The following SLC35E4 variants were observed in gnomAD, a reference collection of about 807,000 sequenced individuals.
The protein encoded by SLC35E4 is solute carrier family 35, member E4.
A neutral mutation model predicts 19.3 loss-of-function variants in SLC35E4; 15 were observed. That is an observed-to-expected ratio of 0.78 (90% confidence interval 0.52 to 1.20). The LOEUF (loss-of-function observed/expected upper bound fraction) is 1.20. Ranked by LOEUF, SLC35E4 falls within the 50% of genes most tolerant of loss-of-function variation. SLC35E4 has a pLI of 0.00. For synonymous variants in SLC35E4, 219 were observed against 219.9 expected (o/e 1.00, Z 0.04); for missense variants, 406 against 472.3 (o/e 0.86, Z 1.30).
intron 1 of SLC35E4, among the ~76,000 whole-genome samples, chr22:30,644,819 C>A (rs1249112001): frequency 6.6e-6 from 1 of 152,112 alleles, no homozygotes; most frequent in Non-Finnish European, 1.5e-5. Flanking sequence ...TTCGCCTGGG[C>A]ACCCCTTTGT....
intron 2 of SLC35E4, among the ~76,000 whole-genome samples, chr22:30,660,897 T>C (rs2088445670): frequency 6.6e-6 from 1 of 151,200 alleles, no homozygotes; most frequent in Admixed American, 6.6e-5. Flanking sequence ...TGGAGTGCAA[T>C]GTCCTGATCT....
downstream of SLC35E4, chr22:30,649,378 ATG>A (rs752637510): frequency 9.7e-5 from 60 of 618,234 alleles, no homozygotes; most frequent in Non-Finnish European, 1.5e-4. Context: ...GCTGTGGTCT[ATG>A]GAGACTGAGA....
intron 1 of SLC35E4, among the ~76,000 whole-genome samples, chr22:30,640,264 G>T (rs935447813): frequency 6.6e-6 from 1 of 151,724 alleles, no homozygotes; most frequent in Non-Finnish European, 1.5e-5. Flanking sequence ...CCCCCTACTC[G>T]GGAACCTGAG....
At chr22:30,661,967 G>A (rs1353649002) in intron 2 of SLC35E4, 1 of 151,822 alleles carries the variant, frequency 6.6e-6, no homozygotes, top group Non-Finnish European at 1.5e-5. Context: ...AAACAAGACG[G>A]AAGCTCTCAA....
intron 1 of SLC35E4, among the ~76,000 whole-genome samples, chr22:30,640,000 T>C (rs914438801): frequency 4.6e-5 from 7 of 152,126 alleles, no homozygotes; most frequent in Non-Finnish European, 8.8e-5. Context: ...TGTTCAGAGA[T>C]TGCAGTAAAG....
chr22:30,657,158 G>C (rs2088354148), intron 2 of SLC35E4, among the ~76,000 whole-genome samples: 1 of 152,000 alleles, frequency 6.6e-6, no homozygotes, highest in Admixed American at 6.6e-5. Flanking sequence ...TTCTGGGCTG[G>C]GTGCAGTGGC....
At chr22:30,641,500 G>A (rs2088035823) in intron 1 of SLC35E4, among the ~76,000 whole-genome samples, 1 of 152,060 alleles carries the variant, frequency 6.6e-6, no homozygotes, top group Non-Finnish European at 1.5e-5. Context: ...TAGCCCTGGG[G>A]CCTTGCAGAG....
chr22:30,651,632 A>G (rs1205098192), downstream of SLC35E4, among the ~76,000 whole-genome samples: 1 of 151,436 alleles, frequency 6.6e-6, no homozygotes, highest in Non-Finnish European at 1.5e-5. Context: ...GACCCTATGT[A>G]GAGAAAAAAT....
In SLC35E4 at chr22:30,636,783, A is replaced by G. The variant is rs758027930; in HGVS notation, c.333A>G (p.Leu111=). 3 of 1,612,556 alleles carry G rather than the reference A, an allele frequency of 1.9e-6. No individual in the cohort carries two copies. The highest frequency in any genetic ancestry group is 2.5e-6 in the Non-Finnish European group (3 of 1,179,588). Residue 111 remains leucine (L), a synonymous_variant, in exon 1 of 2, where the codon CTA becomes CTG. Transcript: ENST00000343605. ...PMPGGTRCRV[L]LLSLTFGTSM... Reference sequence around the variant, plus strand: ...CAGGCGGCACTCGCTGCCGAGTCCTACTGCTCAGTCTCACCTTTGGCACGT... The same window carrying G: ...CAGGCGGCACTCGCTGCCGAGTCCTGCTGCTCAGTCTCACCTTTGGCACGT...
downstream of SLC35E4, among the ~76,000 whole-genome samples, chr22:30,651,370 T>TG (rs1298389312): frequency 7.3e-4 from 44 of 60,684 alleles, 1 homozygote; most frequent in East Asian, 6.4e-3. Flanking sequence ...GTGGCTAATT[T>TG]TTGTGTGTGT....
intron 1 of SLC35E4, among the ~76,000 whole-genome samples, chr22:30,640,863 G>A (rs1378260360): frequency 6.6e-6 from 1 of 152,154 alleles, no homozygotes; most frequent in African/African-American, 2.4e-5. Flanking sequence ...GAAGGAAGTG[G>A]GCACACCAAG....
intron 2 of SLC35E4, among the ~76,000 whole-genome samples, chr22:30,653,488 C>T (rs1234386443): frequency 6.6e-6 from 1 of 151,942 alleles, no homozygotes; most frequent in Non-Finnish European, 1.5e-5. Context: ...TCTCCTGCCT[C>T]AGCCTCCTGA....
downstream of SLC35E4, chr22:30,665,665 C>G (rs1386333004): frequency 1.5e-5 from 6 of 388,812 alleles, no homozygotes; most frequent in Non-Finnish European, 3.2e-5. Context: ...CTAACACTTA[C>G]TGAAGACGTA....
intron 1 of SLC35E4, among the ~76,000 whole-genome samples, chr22:30,639,980 TCA>T (rs3067258): frequency 0.36 from 54,680 of 151,992 alleles, 10,972 homozygotes; most frequent in South Asian, 0.61. Context: ...CATGAAATCT[TCA>T]CAATTTATGT....
In SLC35E4 at chr22:30,636,996, C is replaced by T. The variant is rs758932863; in HGVS notation, c.546C>T (p.Phe182=). The change falls in exon 1 of 2, where the codon TTC becomes TTT. Residue 182 remains phenylalanine, a synonymous_variant. Transcript: ENST00000343605. ...CCGCCTGCAGCCTGGCTGGAGAGTT[C>T]CGGACACCCCCTACCGGCTGTGGCT... is the stretch of plus-strand genomic sequence containing the variant. ...LGAACSLAGE[F]RTPPTGCGFL... is the part of the protein sequence containing the mutation. 3 of 1,609,594 alleles carry T rather than the reference C, an allele frequency of 1.9e-6. No homozygotes were observed. Among genetic ancestry groups the T allele is most frequent in the Non-Finnish European group, 2.5e-6 (3 of 1,177,376 alleles).
At chr22:30,653,484 G>C (rs1050933547) in intron 2 of SLC35E4, among the ~76,000 whole-genome samples, 2 of 151,526 alleles carry the variant, frequency 1.3e-5, no homozygotes, top group South Asian at 2.1e-4. Flanking sequence ...CGATTCTCCT[G>C]CCTCAGCCTC....
At chr22:30,648,854 A>G (rs529789721), downstream of SLC35E4, among the ~76,000 whole-genome samples, 1 of 152,000 alleles carries the variant, frequency 6.6e-6, no homozygotes, top group Non-Finnish European at 1.5e-5. Context: ...AAAAAAAAAA[A>G]GGGCTGATGA....
Position 30,636,776 on chromosome 22 carries a change from G to A in SLC35E4, c.326G>A (p.Arg109Gln). 6 of 1,612,352 alleles carry A rather than the reference G, an allele frequency of 3.7e-6. No individual in the cohort carries two copies. Among genetic ancestry groups the A allele is most frequent in the Non-Finnish European group, 5.1e-6 (6 of 1,179,488 alleles). Residue 109 changes from arginine (R) to glutamine (Q), a missense_variant, in exon 1 of 2, where the codon CGA becomes CAA. By Grantham distance (43) the Arg-to-Gln change is conservative. Transcript: ENST00000343605. ...CCCATGCCAGGCGGCACTCGCTGCC[G>A]AGTCCTACTGCTCAGTCTCACCTTT... ...RRPMPGGTRC[R>Q]VLLLSLTFGT...
intron 1 of SLC35E4, among the ~76,000 whole-genome samples, chr22:30,641,151 G>T (rs1253074788): frequency 1.3e-5 from 2 of 152,220 alleles, no homozygotes; most frequent in Non-Finnish European, 2.9e-5. Flanking sequence ...TAACCTCAAG[G>T]CCCATGCTGC....
Sources: allele counts gnomAD v4.1 joint callset (sites outside exome capture counted in the v4.1 genomes callset), GRCh38; gene constraint gnomAD v4.1.1; transcripts MANE v1.5; gene names NCBI Gene and HGNC (gene_info 2026-07-23, HGNC 2026-07-21).